Variants in TTC34 observed in about 807,000 individuals in gnomAD.
TTC34 encodes tetratricopeptide repeat protein 34.
TTC34 carries 44 observed loss-of-function variants against 40.7 expected under a neutral mutation model. That is an observed-to-expected ratio of 1.08 (90% CI 0.85 to 1.39). The LOEUF is 1.39. Ranked by LOEUF, TTC34 falls within the 40% of genes most tolerant of loss-of-function variation. TTC34 has a pLI of 0.00. For missense variants in TTC34, 884 were observed against 838.0 expected (o/e 1.05, Z -0.68); for synonymous variants, 422 against 398.6 (o/e 1.06, Z -0.70).
At chr1:2,693,202 G>C (rs1569602571) in intron 6 of TTC34, among the ~76,000 whole-genome samples, 124 of 104,226 alleles carry the variant, frequency 1.2e-3, no homozygotes, top group East Asian at 1.8e-3. Flanking sequence ...GTGCGCATCT[G>C]ATGGTCTGGA....
intron 2 of TTC34, among the ~76,000 whole-genome samples, chr1:2,797,966 C>T (rs1643726306): frequency 1.3e-5 from 2 of 151,996 alleles, no homozygotes; most frequent in African/African-American, 4.8e-5. Context: ...GATCTGAATT[C>T]CATCAACTCT....
chr1:2,752,836 A>G (rs1232438580), intron 6 of TTC34, among the ~76,000 whole-genome samples: 1 of 91,416 alleles, frequency 1.1e-5, no homozygotes, highest in African/African-American at 4.4e-5. Context: ...CACCTGACAG[A>G]CTGGAACAGC....
chr1:2,685,817 C>T (rs1240762810), intron 6 of TTC34, among the ~76,000 whole-genome samples: 1 of 146,650 alleles, frequency 6.8e-6, no homozygotes. Context: ...GAGCATCTGA[C>T]AGACTGGAAC....
In TTC34 at chr1:2,787,630, C is replaced by A. The variant is rs745623065; in HGVS notation, c.1705G>T (p.Ala569Ser). Residue 569 changes from alanine to serine, a missense_variant, in exon 4 of 9, where the codon GCG (alanine) becomes TCG (serine). Physicochemically the swap from Ala to Ser is moderately conservative, Grantham distance 99 (BLOSUM62 1). Coordinates refer to ENST00000401095, the Ensembl canonical transcript of TTC34. Reference sequence around the variant, plus strand: ...CCCAGGCGGTACAGGGCATCAGCCGCCAGGAGGCGAGAGGCCTCGTCCTCT... The same window carrying A: ...CCCAGGCGGTACAGGGCATCAGCCGACAGGAGGCGAGAGGCCTCGTCCTCT... 6.5e-6 allele frequency: 10 copies of A among 1,550,014 alleles called. No individual in the cohort carries two copies. In the South Asian group the frequency reaches 1.2e-4, roughly 18 times the overall value.
chr1:2,760,047 A>G (rs1205756562), intron 6 of TTC34, among the ~76,000 whole-genome samples: 84 of 41,254 alleles, frequency 2.0e-3, no homozygotes, highest in East Asian at 2.9e-3. Context: ...CACACACCCA[A>G]GTGAGCATCT....
intron 6 of TTC34, among the ~76,000 whole-genome samples, chr1:2,754,866 T>G (rs1641453663): frequency 1.3e-5 from 1 of 76,490 alleles, no homozygotes; most frequent in Non-Finnish European, 2.3e-5. Context: ...CATGCCCAGC[T>G]GAGCCTGTGA....
At position 2,657,468 on chromosome 1, in the gene TTC34, C is replaced by G. The variant is rs1201736910; in HGVS notation, c.2227-11905G>C. Among the ~76,000 whole-genome samples the G allele has an allele frequency of 1.0e-4, 9 of 86,258 alleles. No homozygotes were observed. The East Asian group carries it at 2.2e-3, about 21-fold the overall frequency. 56.6% of individuals were successfully genotyped at this position (86,258 alleles called of 152,430 possible). A position where few individuals can be genotyped will look rare whatever the true frequency, so the allele number is the denominator to read the frequency against. ...ATGGAGCAGCACCCACGCCCCCAGG[C>G]GAGCATCTGACCGAACGGAGCAGCA... On this transcript the variant is annotated intron_variant, in intron 6 of 8. Transcript: ENST00000401095.
intron 6 of TTC34, among the ~76,000 whole-genome samples, chr1:2,779,831 T>G (rs960268893): frequency 5.3e-5 from 8 of 152,224 alleles, no homozygotes; most frequent in Admixed American, 3.3e-4. Context: ...CCCTGATGAT[T>G]GGTGATGTCC....
At chr1:2,684,918 A>G (rs78227024) in intron 6 of TTC34, among the ~76,000 whole-genome samples, 4 of 44,678 alleles carry the variant, frequency 9.0e-5, no homozygotes, top group African/African-American at 6.1e-4. Context: ...CACCCTGCAC[A>G]CCCAGGTGAG....
chr1:2,687,397 C>T (rs1448063853), intron 6 of TTC34, among the ~76,000 whole-genome samples: 1 of 151,332 alleles, frequency 6.6e-6, no homozygotes, highest in Non-Finnish European at 1.5e-5. Context: ...CCTGGAACGG[C>T]ACCCACACCC....
intron 6 of TTC34, among the ~76,000 whole-genome samples, chr1:2,648,295 T>C (rs74676058): frequency 6.6e-6 from 1 of 152,100 alleles, no homozygotes; most frequent in Non-Finnish European, 1.5e-5. Context: ...GATTTCACTC[T>C]GGGGGGCAGG....
intron 6 of TTC34, among the ~76,000 whole-genome samples, chr1:2,747,978 C>T: frequency 1.6e-5 from 1 of 64,240 alleles, no homozygotes; most frequent in Non-Finnish European, 2.6e-5. Context: ...GAGCATCTGA[C>T]AGCCTGGAGC....
exon 4 of TTC34, chr1:2,787,696 C>T (rs760628555): frequency 7.1e-5 from 110 of 1,543,834 alleles, no homozygotes; most frequent in African/African-American, 3.0e-4. Flanking sequence ...TGGTGCACGC[C>T]GCAGGCGACC....
At chr1:2,795,298 T>C (rs1276285279) in intron 2 of TTC34, among the ~76,000 whole-genome samples, 1 of 152,204 alleles carries the variant, frequency 6.6e-6, no homozygotes, top group Non-Finnish European at 1.5e-5. Flanking sequence ...TTCCTCAGTT[T>C]GGGCTGGCCT....
intron 6 of TTC34, among the ~76,000 whole-genome samples, chr1:2,756,626 C>G (rs1641514428): frequency 7.2e-6 from 1 of 138,556 alleles, no homozygotes; most frequent in African/African-American, 2.7e-5. Context: ...AGCACCCACA[C>G]CCCCAGGTGA....
intron 2 of TTC34, among the ~76,000 whole-genome samples, chr1:2,793,109 G>A (rs1235594296): frequency 1.3e-5 from 2 of 152,230 alleles, no homozygotes; most frequent in African/African-American, 4.8e-5. Context: ...TTGACTGGCT[G>A]AGAGGAATGT....
chr1:2,753,295 C>A (rs1176299459), intron 6 of TTC34, among the ~76,000 whole-genome samples: 1 of 72,552 alleles, frequency 1.4e-5, no homozygotes, highest in African/African-American at 6.3e-5. Flanking sequence ...GCACCCTGCA[C>A]ACCCAGGTGA....
intron 6 of TTC34, among the ~76,000 whole-genome samples, chr1:2,757,067 C>CG (rs1641531464): frequency 8.6e-6 from 1 of 116,160 alleles, no homozygotes; most frequent in African/African-American, 3.8e-5. Flanking sequence ...GGACCCACAC[C>CG]CCCAGGCGAG....
chr1:2,687,499 T>G lies in TTC34; in HGVS notation c.2227-41936A>C, dbSNP rs548025592. Among the ~76,000 whole-genome samples, 10 of 145,716 alleles carry G rather than the reference T, an allele frequency of 6.9e-5. No homozygotes were observed. The East Asian group carries it at 2.1e-3, about 30-fold the overall frequency. ...CAGCACCCACACACTCAGGCGAGCA[T>G]CTGACATCCTTGAGCAGCACCCACA... On this transcript the variant is annotated intron_variant, in intron 6 of 8. Transcript: ENST00000401095.
Sources: allele counts gnomAD v4.1 joint callset (sites outside exome capture counted in the v4.1 genomes callset), GRCh38; gene constraint gnomAD v4.1.1; transcripts MANE v1.5; gene names NCBI Gene and HGNC (gene_info 2026-07-23, HGNC 2026-07-21).